C1orf146: variants seen among roughly 807,000 people sequenced by gnomAD.
The protein encoded by C1orf146 is chromosome 1 open reading frame 146.
C1orf146 carries 22 observed loss-of-function variants against 23.0 expected under a neutral mutation model. The ratio of observed to expected loss-of-function variants is 0.96; its 90% CI spans 0.68 to 1.36. The LOEUF (loss-of-function observed/expected upper bound fraction) is 1.36, where lower values mean the gene tolerates loss of function less well. C1orf146 is among the 40% of genes most tolerant of loss of function. The probability of loss-of-function intolerance (pLI) is 0.00; values close to 1 mark genes in which losing one functional copy is unlikely to be tolerated. For missense variants in C1orf146, 199 were observed against 206.8 expected (o/e 0.96, Z 0.23); for synonymous variants, 59 against 65.3 (o/e 0.90, Z 0.47).
intron 2 of C1orf146, among the ~76,000 whole-genome samples, chr1:92,238,552 A>C (rs1652351729): frequency 6.6e-6 from 1 of 152,248 alleles, no homozygotes; most frequent in South Asian, 2.1e-4. Flanking sequence ...CATTTTGATG[A>C]ATCAGCTCTT....
chr1:92,244,318 T>C lies in C1orf146; in HGVS notation c.262T>C (p.Phe88Leu), dbSNP rs1198951375. 7 of 1,611,528 alleles carry C rather than the reference T, an allele frequency of 4.3e-6. No homozygotes were observed. The highest frequency in any genetic ancestry group is 5.9e-6 in the Non-Finnish European group (7 of 1,177,978). Residue 88 changes from phenylalanine (F) to leucine (L), a missense_variant, in exon 4 of 6, where the codon TTT becomes CTT. Transcript: ENST00000370375. ...ATTTATTAACATTCACCAAAATAGTTTTTTGGTTTTGTCTGCTGCCCTCCA... is the reference window on the plus strand; with the variant it reads ...ATTTATTAACATTCACCAAAATAGTCTTTTGGTTTTGTCTGCTGCCCTCCA... ...EKFINIHQNS[F>L]LVLSAALHGP...
chr1:92,219,917 C>T (rs1031499010), intron 1 of C1orf146, among the ~76,000 whole-genome samples: 1 of 152,038 alleles, frequency 6.6e-6, no homozygotes, highest in Non-Finnish European at 1.5e-5. Context: ...TTTGTTCAAA[C>T]CTTTATATCA....
At position 92,217,926 on chromosome 1, in the gene C1orf146, G is replaced by A. The variant is rs1651713505; in HGVS notation, c.-162G>A. 6.6e-6 allele frequency: 1 copy of A among 152,198 alleles called. No homozygotes were observed. 9.4% of individuals were successfully genotyped at this position (152,198 alleles called of 1,614,324 possible). A position where few individuals can be genotyped will look rare whatever the true frequency, so the allele number is the denominator to read the frequency against. ...GTCTGCGGTTGCGCAGAAGCCCAGC[G>A]ACTGCAGAACCCTGCCCCAGGCACC... On this transcript the variant is annotated 5_prime_UTR_variant, in exon 1 of 6. Transcript: ENST00000370375.
At chr1:92,222,687 T>C (rs368049920) in intron 1 of C1orf146, among the ~76,000 whole-genome samples, 297 of 151,200 alleles carry the variant, frequency 2.0e-3, no homozygotes, top group African/African-American at 4.5e-3. Context: ...CCCGGGTTCA[T>C]GCCATTCTCC....
intron 1 of C1orf146, among the ~76,000 whole-genome samples, chr1:92,225,420 T>A (rs1651943028): frequency 6.6e-6 from 1 of 152,220 alleles, no homozygotes; most frequent in African/African-American, 2.4e-5. Context: ...TTTAGTCTTT[T>A]AAAGCTATGT....
intron 4 of C1orf146, 103 bp from the exon 5 acceptor site, chr1:92,244,676 T>C (rs1421289045): frequency 5.2e-6 from 4 of 767,854 alleles, no homozygotes; most frequent in Admixed American, 2.2e-5. Flanking sequence ...CATGAATGCA[T>C]AGACAAATAA....
intron 1 of C1orf146, among the ~76,000 whole-genome samples, chr1:92,224,110 G>C (rs1350710781): frequency 6.6e-6 from 1 of 150,942 alleles, no homozygotes; most frequent in African/African-American, 2.4e-5. Context: ...GAGTGCAGTG[G>C]CATGAACTCG....
chr1:92,224,768 T>G (rs747834529), intron 1 of C1orf146, among the ~76,000 whole-genome samples: 6 of 152,220 alleles, frequency 3.9e-5, no homozygotes, highest in Non-Finnish European at 7.3e-5. Context: ...TTCTTTTTTT[T>G]CGTTTGAGAC....
intron 1 of C1orf146, among the ~76,000 whole-genome samples, chr1:92,230,970 A>G (rs2100735832): frequency 6.6e-6 from 1 of 152,270 alleles, no homozygotes; most frequent in Middle Eastern, 3.4e-3. Context: ...ATTGGGCTTG[A>G]GGAACTAGTG....
chr1:92,228,708 G>A (rs1448587535), intron 1 of C1orf146, among the ~76,000 whole-genome samples: 1 of 152,130 alleles, frequency 6.6e-6, no homozygotes, highest in Admixed American at 6.5e-5. Context: ...CTTGTCTTCC[G>A]CAAGCATGTT....
chr1:92,224,007 TTTTATTTTA>T (rs1254958162), intron 1 of C1orf146, among the ~76,000 whole-genome samples: 1 of 143,912 alleles, frequency 6.9e-6, no homozygotes, highest in Non-Finnish European at 1.5e-5. Flanking sequence ...GTTGTTGTTG[TTTTATTTTA>T]TTTATTTATT....
intron 2 of C1orf146, among the ~76,000 whole-genome samples, chr1:92,236,171 T>C (rs903061730): frequency 2.0e-5 from 3 of 152,128 alleles, no homozygotes; most frequent in Non-Finnish European, 4.4e-5. Context: ...CTGGTTATTT[T>C]GCTCGTTAGT....
intron 2 of C1orf146, among the ~76,000 whole-genome samples, chr1:92,234,360 T>G (rs538731609): frequency 6.6e-6 from 1 of 152,354 alleles, no homozygotes; most frequent in African/African-American, 2.4e-5. Context: ...CTGCATCTTT[T>G]GAGATAATCA....
intron 1 of C1orf146, among the ~76,000 whole-genome samples, chr1:92,220,890 A>G (rs1651802548): frequency 6.6e-6 from 1 of 152,192 alleles, no homozygotes; most frequent in Non-Finnish European, 1.5e-5. Context: ...TGTTGAGCAT[A>G]CATTTAGGAG....
chr1:92,245,684 T>C lies in C1orf146; in HGVS notation c.*10T>C, dbSNP rs1652604794. 3 of 1,516,926 alleles carry C rather than the reference T, an allele frequency of 2.0e-6. No individual in the cohort carries two copies. The highest frequency in any genetic ancestry group is 2.4e-5 in the East Asian group (1 of 41,508). The allele number at this position is 1,516,926 out of a possible 1,614,324, so 94.0% of individuals were successfully genotyped here. A position where few individuals can be genotyped will look rare whatever the true frequency, so the allele number is the denominator to read the frequency against. ...AGTTAACCCAAATTAGAGTACCAAC[T>C]TAATGTTTTTCTCGAAGAATGTGAA... On this transcript the variant is annotated 3_prime_UTR_variant, in exon 6 of 6. Coordinates refer to ENST00000370375, the MANE Select transcript of C1orf146 (RefSeq NM_001012425.2).
At chr1:92,241,386 G>T (rs1652427301) in intron 2 of C1orf146, among the ~76,000 whole-genome samples, 1 of 151,274 alleles carries the variant, frequency 6.6e-6, no homozygotes, top group Non-Finnish European at 1.5e-5. Context: ...AATTTTTGTA[G>T]AGAAGCAGTT....
intron 2 of C1orf146, among the ~76,000 whole-genome samples, chr1:92,236,535 C>T (rs1415419171): frequency 1.3e-5 from 2 of 152,140 alleles, no homozygotes; most frequent in African/African-American, 4.8e-5. Context: ...TCTGGCTGCC[C>T]TTAACATTTT....
At chr1:92,228,590 A>G (rs2100732940) in intron 1 of C1orf146, among the ~76,000 whole-genome samples, 1 of 152,298 alleles carries the variant, frequency 6.6e-6, no homozygotes, top group East Asian at 1.9e-4. Flanking sequence ...CAACTGGTTC[A>G]GGAGCCCTTG....
intron 1 of C1orf146, among the ~76,000 whole-genome samples, chr1:92,229,672 A>G (rs1166309007): frequency 2.0e-5 from 3 of 152,232 alleles, no homozygotes; most frequent in African/African-American, 7.2e-5. Flanking sequence ...AAAGATTGAT[A>G]AATTTGACTA....
Sources: allele counts gnomAD v4.1 joint callset (sites outside exome capture counted in the v4.1 genomes callset), GRCh38; gene constraint gnomAD v4.1.1; transcripts MANE v1.5; gene names NCBI Gene and HGNC (gene_info 2026-07-23, HGNC 2026-07-21).